ANKS4B: variants seen among roughly 807,000 people sequenced by gnomAD.
ANKS4B encodes ankyrin repeat and sterile alpha motif domain containing 4B.
A neutral mutation model predicts 20.2 loss-of-function variants in ANKS4B; 21 were observed. That is an observed-to-expected ratio of 1.04 (90% CI 0.74 to 1.50). The LOEUF (loss-of-function observed/expected upper bound fraction) is 1.50. Ranked by LOEUF, ANKS4B falls within the 40% of genes most tolerant of loss-of-function variation. The pLI is 0.00. For synonymous variants in ANKS4B, 179 were observed against 194.5 expected, an observed-to-expected ratio of 0.92 and a Z score of 0.66; for missense variants, 473 against 494.6, an observed-to-expected ratio of 0.96 and a Z score of 0.41.
chr16:21,250,149 G>C lies in ANKS4B; in HGVS notation c.583G>C (p.Gly195Arg). 1.2e-6 allele frequency: 2 copies of C among 1,614,102 alleles called. No individual in the cohort carries two copies. The highest frequency in any genetic ancestry group is 1.7e-5 in the Admixed American group (1 of 60,018). Residue 195 changes from glycine to arginine, a missense_variant, in exon 2 of 2, where the codon GGG becomes CGG. Transcript: ENST00000311620. ...PSNASAPGTF[G>R]SLSKGIKDTF... ...AAATGCTTCTGCTCCTGGCACATTC[G>C]GGTCACTATCTAAGGGCATTAAAGA...
intron 1 of ANKS4B, among the ~76,000 whole-genome samples, chr16:21,236,115 T>A (rs574999085): frequency 2.8e-4 from 43 of 152,180 alleles, no homozygotes; most frequent in Non-Finnish European, 5.3e-4. Context: ...TATAGTAGCT[T>A]CTGCTTTTGG....
At chr16:21,241,445 G>A (rs1031022489) in intron 1 of ANKS4B, among the ~76,000 whole-genome samples, 6 of 152,044 alleles carry the variant, frequency 3.9e-5, no homozygotes, top group African/African-American at 9.7e-5. Flanking sequence ...ATGGACTCTC[G>A]CTCTGTCATC....
At chr16:21,242,586 T>C (rs917796058) in intron 1 of ANKS4B, among the ~76,000 whole-genome samples, 4 of 152,224 alleles carry the variant, frequency 2.6e-5, no homozygotes, top group African/African-American at 9.6e-5. Flanking sequence ...TCCAGGCTCA[T>C]CCATGTTGTC....
Position 21,250,262 on chromosome 16 carries a change from A to C in ANKS4B, c.696A>C (p.Glu232Asp). The stretch of plus-strand genomic sequence containing the variant: ...GAAGTGGGCAGAGGAACGTGATGGA[A>C]GTGTTCAGAGAGGAAGAGGAAGACT... ...EGRSGQRNVM[E>D]VFREEEEDSF... The change falls in exon 2 of 2, where the codon GAA (glutamate) becomes GAC (aspartate). Residue 232 changes from glutamate to aspartate, a missense_variant. Glu to Asp is a conservative substitution (Grantham distance 45, BLOSUM62 2). Transcript: ENST00000311620. 6.2e-7 allele frequency: 1 copy of C among 1,614,208 alleles called. No homozygotes were observed. Among genetic ancestry groups the C allele is most frequent in the Non-Finnish European group, 8.5e-7 (1 of 1,180,036 alleles).
At chr16:21,238,554 A>G (rs1261352911) in intron 1 of ANKS4B, among the ~76,000 whole-genome samples, 2 of 152,120 alleles carry the variant, frequency 1.3e-5, no homozygotes, top group East Asian at 1.9e-4. Flanking sequence ...ATGCCTCAAT[A>G]CTGACTGATC....
chr16:21,243,318 G>A (rs1450192983), intron 1 of ANKS4B, among the ~76,000 whole-genome samples: 3 of 152,004 alleles, frequency 2.0e-5, no homozygotes, highest in Non-Finnish European at 4.4e-5. Flanking sequence ...AAGGGAAATA[G>A]AAAAAAACAA....
At chr16:21,243,470 T>G (rs1460748085) in intron 1 of ANKS4B, among the ~76,000 whole-genome samples, 3 of 152,250 alleles carry the variant, frequency 2.0e-5, no homozygotes, top group African/African-American at 7.2e-5. Context: ...GTATGGAATT[T>G]AAAAGGACTC....
Position 21,243,719 on chromosome 16 carries a change from A to C in ANKS4B, c.165-6012A>C, listed in dbSNP as rs538605865. ...CCCGAGTAGCTGGGACTACAGGTAC[A>C]CACCACCATGCCTGGCTAATTTTTT... On this transcript the variant is annotated intron_variant, in intron 1 of 1. Transcript: ENST00000311620. Among the ~76,000 whole-genome samples, 210 of 152,076 alleles carry C rather than the reference A, an allele frequency of 1.4e-3. 5 individuals carry two copies. The highest frequency in any genetic ancestry group is 5.8e-3 in the South Asian group (28 of 4,812).
In ANKS4B at chr16:21,249,996, A is replaced by G. The variant is rs769174886; in HGVS notation, c.430A>G (p.Arg144Gly). 5.6e-6 allele frequency: 9 copies of G among 1,614,094 alleles called. No homozygotes were observed. Among genetic ancestry groups the G allele is most frequent in the South Asian group, 4.4e-5 (4 of 91,084 alleles). ...GAAGGAGCAGGCTCAGAAGAATGCC[A>G]GGAGGCAGATCAAAGAGTGTGAGAG... ...RLKEQAQKNA[R>G]RQIKECERLQ... The change falls in exon 2 of 2, where the codon AGG becomes GGG. Residue 144 changes from arginine (R) to glycine (G), a missense_variant. By Grantham distance (125) the Arg-to-Gly change is moderately radical. Coordinates refer to ENST00000311620, the MANE Select transcript of ANKS4B (RefSeq NM_145865.3).
rs1376954633 is a variant in ANKS4B at position 21,252,805 on chromosome 16, C to T, written c.*1985C>T. The T allele has an allele frequency of 1.3e-5, 2 of 152,242 alleles. No homozygotes were observed. The highest frequency in any genetic ancestry group is 2.9e-5 in the Non-Finnish European group (2 of 68,094). The allele number at this position is 152,242 out of a possible 1,614,324, so 9.4% of individuals were successfully genotyped here. A position where few individuals can be genotyped will look rare whatever the true frequency, so the allele number is the denominator to read the frequency against. ...TTGGGAGGCCCAGGCAGGCAGATCA[C>T]CTGAGGTCAGGAGTTCAAGACCAGC... On this transcript the variant is annotated 3_prime_UTR_variant, in exon 2 of 2. Transcript: ENST00000311620.
In ANKS4B at chr16:21,253,238, T is replaced by G. The variant is rs1047682878; in HGVS notation, c.*2418T>G. ...CAGCTTGCTTTCTGATGCACATCTG[T>G]TTGGGTTACTTCAAGAGGCATCATG... On this transcript the variant is annotated 3_prime_UTR_variant, in exon 2 of 2. Transcript: ENST00000311620. 6.6e-6 allele frequency: 1 copy of G among 152,090 alleles called. No individual in the cohort carries two copies. Among genetic ancestry groups the G allele is most frequent in the African/African-American group, 2.4e-5 (1 of 41,402 alleles). 9.4% of individuals were successfully genotyped at this position (152,090 alleles called of 1,614,324 possible).
chr16:21,234,307 T>TA (rs569264243), intron 1 of ANKS4B, among the ~76,000 whole-genome samples: 2,048 of 152,280 alleles, frequency 0.013, 18 homozygotes, highest in Middle Eastern at 0.024. Context: ...GTTTTTTTTT[T>TA]ATCTATGCCA....
chr16:21,250,274 G>A lies in ANKS4B; in HGVS notation c.708G>A (p.Glu236=). The A allele has an allele frequency of 7.4e-6, 12 of 1,614,212 alleles. No homozygotes were observed. The highest frequency in any genetic ancestry group is 1.0e-5 in the Non-Finnish European group (12 of 1,180,036). ...GGAACGTGATGGAAGTGTTCAGAGA[G>A]GAAGAGGAAGACTCGTTCTCAGGGG... ...GQRNVMEVFR[E]EEEDSFSGDF... is the part of the protein sequence containing the mutation. Residue 236 remains glutamate (E), a synonymous_variant, in exon 2 of 2, where the codon GAG becomes GAA. Coordinates refer to ENST00000311620, the MANE Select transcript of ANKS4B (RefSeq NM_145865.3).
At position 21,250,795 on chromosome 16, in the gene ANKS4B, G is replaced by T; in HGVS notation, c.1229G>T (p.Gly410Val). The T allele has an allele frequency of 6.3e-7, 1 of 1,596,588 alleles. No individual in the cohort carries two copies. The change falls in exon 2 of 2, where the codon GGG (glycine) becomes GTG (valine). Residue 410 changes from glycine to valine, a missense_variant. Coordinates refer to ENST00000311620, the MANE Select transcript of ANKS4B (RefSeq NM_145865.3). ...NRRKQVLQQP[G>V]QLVDTSL ...AGGAAGCAGGTGCTTCAACAGCCTG[G>T]GCAGCTGGTCGACACCAGCCTGTGA... is the stretch of plus-strand genomic sequence containing the variant.
intron 1 of ANKS4B, among the ~76,000 whole-genome samples, chr16:21,235,415 G>C (rs148716356): frequency 2.6e-5 from 4 of 152,176 alleles, no homozygotes; most frequent in South Asian, 2.1e-4. Flanking sequence ...AGATCACAAA[G>C]AGCCTTGTCA....
intron 1 of ANKS4B, among the ~76,000 whole-genome samples, chr16:21,240,369 A>G (rs972681993): frequency 6.6e-6 from 1 of 151,584 alleles, no homozygotes; most frequent in African/African-American, 2.4e-5. Context: ...GCTCACTGCA[A>G]CCTCCGCCAC....
At chr16:21,237,932 C>T (rs536390811) in intron 1 of ANKS4B, among the ~76,000 whole-genome samples, 67 of 152,232 alleles carry the variant, frequency 4.4e-4, no homozygotes, top group African/African-American at 1.5e-3. Context: ...GAAGCCAAGG[C>T]GGGCAGATCA....
At position 21,233,901 on chromosome 16, in the gene ANKS4B, G is replaced by A; in HGVS notation, c.164G>A (p.Gly55Glu). 1 of 1,609,640 alleles carries A rather than the reference G, an allele frequency of 6.2e-7. No homozygotes were observed. Among genetic ancestry groups the A allele is most frequent in the Non-Finnish European group, 8.5e-7 (1 of 1,177,798 alleles). The change falls in exon 1 of 2, where the codon GGA becomes GAA. Residue 55 changes from glycine (G) to glutamate (E), a missense_variant and splice_region_variant. Physicochemically the swap from Gly to Glu is moderately conservative, Grantham distance 98 (BLOSUM62 -2). Coordinates refer to ENST00000311620, the MANE Select transcript of ANKS4B (RefSeq NM_145865.3). ...LEALEIICSR[G>E]GDPDRCDIWG... ...GCCCTAGAGATAATCTGCAGTAGAG[G>A]GTAAGTTCAACCCGATGGTTTCTGT...
At chr16:21,247,322 C>T (rs2093333577) in intron 1 of ANKS4B, among the ~76,000 whole-genome samples, 1 of 152,164 alleles carries the variant, frequency 6.6e-6, no homozygotes, top group East Asian at 1.9e-4. Flanking sequence ...CTCGACCTCC[C>T]AAAGTGCTGG....
Sources: gnomAD v4.1 joint callset for allele counts (sites outside exome capture counted in the v4.1 genomes callset) on GRCh38, gnomAD v4.1.1 for gene constraint, MANE v1.5 for transcripts, NCBI Gene and HGNC (gene_info 2026-07-23, HGNC 2026-07-21) for gene names.